BRAF: variants seen among roughly 807,000 people sequenced by gnomAD.
The protein encoded by BRAF is B-Raf proto-oncogene, serine/threonine kinase.
BRAF carries 16 observed loss-of-function variants against 104.6 expected under a neutral mutation model. The observed-to-expected ratio is 0.15, with a 90% CI of 0.10 to 0.23. The LOEUF is 0.23. BRAF is among the 10% of genes least tolerant of loss of function. BRAF has a pLI of 1.00. For missense variants in BRAF, 541 were observed against 937.3 expected (o/e 0.58, Z 5.52); for synonymous variants, 310 against 341.6 (o/e 0.91, Z 1.02).
In BRAF at chr7:140,722,227, T is replaced by A. The variant is rs1224910441; in HGVS notation, c.*4267A>T. The A allele has an allele frequency of 1.9e-6, 2 of 1,056,344 alleles. No individual in the cohort carries two copies. The highest frequency in any genetic ancestry group is 2.3e-6 in the Non-Finnish European group (2 of 873,604). The allele number at this position is 1,056,344 out of a possible 1,614,324, so 65.4% of individuals were successfully genotyped here. ...CTAGGGATTATGTGCTTTAAAAAAA[T>A]AATTTTGTTCACTGAAAATTTACCT... On this transcript the variant is annotated 3_prime_UTR_variant, in exon 20 of 20. Coordinates refer to ENST00000644969, the MANE Select transcript of BRAF (RefSeq NM_001374258.1).
At chr7:140,886,551 G>C (rs370125263) in intron 1 of BRAF, among the ~76,000 whole-genome samples, 1 of 152,160 alleles carries the variant, frequency 6.6e-6, no homozygotes, top group East Asian at 1.9e-4. Flanking sequence ...CAGCAGAGCA[G>C]AGCCTTCACA....
chr7:140,874,575 T>C (rs1022579881), intron 1 of BRAF, among the ~76,000 whole-genome samples: 2 of 138,224 alleles, frequency 1.4e-5, no homozygotes, highest in African/African-American at 2.7e-5. Context: ...CATTCAAAGA[T>C]AGTGTCTCAG....
At chr7:140,753,498 T>C (rs533094184) in intron 15 of BRAF, 105 bp from the exon 15 acceptor site, 6 of 743,378 alleles carry the variant, frequency 8.1e-6, no homozygotes, top group East Asian at 2.8e-5. Flanking sequence ...TTCTGTAATA[T>C]AATATTCTTT....
intron 3 of BRAF, chr7:140,834,251 C>G: frequency 2.6e-6 from 1 of 378,168 alleles, no homozygotes; most frequent in Non-Finnish European, 4.8e-6. Context: ...TAATATAACT[C>G]AGAAAGGAGA....
At chr7:140,837,485 G>A (rs1406183128) in intron 2 of BRAF, among the ~76,000 whole-genome samples, 1 of 152,144 alleles carries the variant, frequency 6.6e-6, no homozygotes. Flanking sequence ...AATGCCATTG[G>A]TGATATCTTA....
rs1288997133 is a variant in BRAF at position 140,724,693 on chromosome 7, TAC to T, written c.*1799_*1800del. 1.9e-6 allele frequency: 2 copies of T among 1,033,070 alleles called. No homozygotes were observed. Among genetic ancestry groups the T allele is most frequent in the Admixed American group, 1.1e-4 (2 of 17,652 alleles). The allele number at this position is 1,033,070 out of a possible 1,614,324, so 64.0% of individuals were successfully genotyped here. On this transcript the variant is annotated 3_prime_UTR_variant, in exon 20 of 20. Transcript: ENST00000644969. ...CAATATAGACAGCAGGGCCTGGAGT[TAC>T]AATCTGAAATTTTTAAATAACAATT...
chr7:140,811,889 C>A (rs183317430), intron 3 of BRAF, among the ~76,000 whole-genome samples: 15 of 152,232 alleles, frequency 9.9e-5, no homozygotes, highest in Admixed American at 2.0e-4. Context: ...CTACTACGAA[C>A]AATGAGAACT....
intron 14 of BRAF, among the ~76,000 whole-genome samples, chr7:140,772,310 CAACAAA>C (rs2129015362): frequency 8.0e-6 from 1 of 124,660 alleles, no homozygotes; most frequent in African/African-American, 2.8e-5. Context: ...ACAACAACAA[CAACAAA>C]GTTCAATCAA....
At chr7:140,852,372 C>T (rs1400762381) in intron 1 of BRAF, among the ~76,000 whole-genome samples, 4 of 148,502 alleles carry the variant, frequency 2.7e-5, no homozygotes, top group East Asian at 4.1e-4. Flanking sequence ...CAGTTTCTAC[C>T]GCCACCCCAC....
In BRAF at chr7:140,720,042, G is replaced by C. The variant is rs1795247520; in HGVS notation, c.*6452C>G. ...TCAAACCAAGGAATACATGAAAAGG[G>C]GGGATTTCCTTTTTCTTGGTCTAAA... On this transcript the variant is annotated 3_prime_UTR_variant, in exon 20 of 20. Coordinates refer to ENST00000644969, the MANE Select transcript of BRAF (RefSeq NM_001374258.1). 1 of 1,061,370 alleles carries C rather than the reference G, an allele frequency of 9.4e-7. No individual in the cohort carries two copies. Among genetic ancestry groups the C allele is most frequent in the African/African-American group, 1.6e-5 (1 of 60,814 alleles). The allele number at this position is 1,061,370 out of a possible 1,614,324, so 65.7% of individuals were successfully genotyped here.
intron 2 of BRAF, among the ~76,000 whole-genome samples, chr7:140,845,602 A>G (rs1236451049): frequency 6.6e-6 from 1 of 152,216 alleles, no homozygotes; most frequent in Non-Finnish European, 1.5e-5. Context: ...CAACATTGTT[A>G]GTCATCAGGA....
intron 1 of BRAF, among the ~76,000 whole-genome samples, chr7:140,905,885 G>A (rs1039593730): frequency 4.0e-5 from 6 of 151,106 alleles, no homozygotes; most frequent in African/African-American, 1.5e-4. Context: ...TCAGGAGATC[G>A]AGACCATCCC....
At chr7:140,830,289 T>C (rs1473604629) in intron 3 of BRAF, among the ~76,000 whole-genome samples, 1 of 152,256 alleles carries the variant, frequency 6.6e-6, no homozygotes, top group Non-Finnish European at 1.5e-5. Context: ...GACTTACTCC[T>C]GTACAGTTGT....
chr7:140,824,257 G>A (rs555240125), intron 3 of BRAF: 43 of 152,200 alleles, frequency 2.8e-4, no homozygotes, highest in Non-Finnish European at 4.9e-4. Flanking sequence ...ATGTTTTCTT[G>A]TAGTAAAAGT....
intron 7 of BRAF, among the ~76,000 whole-genome samples, chr7:140,796,843 T>C (rs1453811630): frequency 6.6e-6 from 1 of 152,206 alleles, no homozygotes; most frequent in Non-Finnish European, 1.5e-5. Flanking sequence ...ATAAATCTCT[T>C]ACAAAAGAAG....
intron 3 of BRAF, among the ~76,000 whole-genome samples, chr7:140,833,098 G>C (rs550734761): frequency 3.9e-5 from 6 of 151,910 alleles, no homozygotes; most frequent in Admixed American, 6.6e-5. Context: ...GGACTGTCTC[G>C]ATCTCCTGAC....
Position 140,726,121 on chromosome 7 carries a change from G to C in BRAF, c.*373C>G, listed in dbSNP as rs887728188. The C allele has an allele frequency of 2.7e-6, 3 of 1,104,982 alleles. No homozygotes were observed. The East Asian group carries it at 1.4e-4, about 51-fold the overall frequency. The allele number at this position is 1,104,982 out of a possible 1,614,324, so 68.4% of individuals were successfully genotyped here. ...TGATCAGCCACAAATTGATCTGGTGGTTAGAAGGGCAAAGTTGACTGGCAG... is the reference window on the plus strand; with the variant it reads ...TGATCAGCCACAAATTGATCTGGTGCTTAGAAGGGCAAAGTTGACTGGCAG... On this transcript the variant is annotated 3_prime_UTR_variant, in exon 20 of 20. Coordinates refer to ENST00000644969, the MANE Select transcript of BRAF (RefSeq NM_001374258.1).
At chr7:140,847,141 G>A (rs150362378) in intron 2 of BRAF, among the ~76,000 whole-genome samples, 9 of 152,126 alleles carry the variant, frequency 5.9e-5, no homozygotes, top group South Asian at 4.2e-4. Context: ...GCAACAGAGC[G>A]AGACTCCATC....
Position 140,785,747 on chromosome 7 carries a change from G to C in BRAF, c.1239C>G (p.Leu413=). 2.5e-6 allele frequency: 1 copy of C among 399,092 alleles called. No individual in the cohort carries two copies. 24.7% of individuals were successfully genotyped at this position (399,092 alleles called of 1,614,324 possible). A position where few individuals can be genotyped will look rare whatever the true frequency, so the allele number is the denominator to read the frequency against. The stretch of plus-strand genomic sequence containing the variant: ...CTATTTCACTGGGGACAGAATGTAG[G>C]AGGGGACTGGGAGTCCGGGATTGGT... ...RKYQSRTPSP[L]LHSVPSEIVF... Residue 413 remains leucine, a synonymous_variant, in exon 10 of 20, where the codon CTC becomes CTG. Transcript: ENST00000644969.
Sources: gnomAD v4.1 joint callset for allele counts (sites outside exome capture counted in the v4.1 genomes callset) on GRCh38, gnomAD v4.1.1 for gene constraint, MANE v1.5 for transcripts, NCBI Gene and HGNC (gene_info 2026-07-23, HGNC 2026-07-21) for gene names.